Variants in RPS6KA2 observed in about 807,000 individuals in gnomAD.
RPS6KA2 encodes ribosomal protein S6 kinase A2, also known as ribosomal protein S6 kinase alpha-2.
A neutral mutation model predicts 91.8 loss-of-function variants in RPS6KA2; 42 were observed. The observed-to-expected ratio is 0.46, with a 90% CI of 0.36 to 0.59. RPS6KA2 has a LOEUF of 0.59. RPS6KA2 is among the 20% of genes least tolerant of loss of function. The pLI, the probability that RPS6KA2 is intolerant of heterozygous loss-of-function variation, is 0.00. For missense variants in RPS6KA2, 798 were observed against 978.5 expected (o/e 0.82, Z 2.46); for synonymous variants, 414 against 393.6 (o/e 1.05, Z -0.61).
chr6:166,822,109 T>G (rs1779920306), intron 2 of RPS6KA2, among the ~76,000 whole-genome samples: 1 of 152,200 alleles, frequency 6.6e-6, no homozygotes, highest in Non-Finnish European at 1.5e-5. Flanking sequence ...GCCCTGTCAG[T>G]CTTGTCCTTG....
At chr6:166,802,712 C>T (rs557199741) in intron 2 of RPS6KA2, among the ~76,000 whole-genome samples, 7 of 152,242 alleles carry the variant, frequency 4.6e-5, no homozygotes, top group Admixed American at 2.0e-4. Flanking sequence ...CTCAGGTGGC[C>T]ATGACTCAGC....
chr6:166,454,298 G>A (rs1303854131), intron 12 of RPS6KA2, among the ~76,000 whole-genome samples: 1 of 152,280 alleles, frequency 6.6e-6, no homozygotes, highest in Non-Finnish European at 1.5e-5. Context: ...AGGAGTTCAC[G>A]ACCAGCCTAA....
chr6:166,501,442 A>G (rs936762983), intron 6 of RPS6KA2, among the ~76,000 whole-genome samples: 2 of 152,204 alleles, frequency 1.3e-5, no homozygotes, highest in Non-Finnish European at 2.9e-5. Flanking sequence ...GGGCCAAGGC[A>G]TCGAGGAGCT....
chr6:166,532,198 A>G (rs1010826866), intron 2 of RPS6KA2, among the ~76,000 whole-genome samples: 3 of 152,216 alleles, frequency 2.0e-5, no homozygotes, highest in Non-Finnish European at 4.4e-5. Context: ...ACCAGCCACT[A>G]TAGATGTTCT....
intron 6 of RPS6KA2, among the ~76,000 whole-genome samples, 158 bp downstream of exon 6, chr6:166,504,348 C>G (rs1347436202): frequency 1.3e-5 from 2 of 152,236 alleles, no homozygotes; most frequent in African/African-American, 4.8e-5. Flanking sequence ...GCACCTGATG[C>G]CTGAGCCGGT....
At chr6:166,627,286 CCCACCACCACTA>C, upstream of RPS6KA2, 1 of 942,018 alleles carries the variant, frequency 1.1e-6, no homozygotes, top group Non-Finnish European at 1.3e-6. Flanking sequence ...CTACACCACG[CCCACCACCACTA>C]CCACCAATCA....
At position 166,494,626 on chromosome 6, in the gene RPS6KA2, G is replaced by A. The variant is rs146355894; in HGVS notation, c.747+3882C>T. ...ATTCTACAAATGTCACCACGCAGCC[G>A]GCCACCAGGTTTGCACGTTCTTCTC... On this transcript the variant is annotated intron_variant, in intron 8 of 20. Coordinates refer to ENST00000265678, the MANE Select transcript of RPS6KA2 (RefSeq NM_021135.6). The surrounding 1 kb of genome is among the most constrained non-coding windows in gnomAD (Gnocchi z 5.1). Among the ~76,000 whole-genome samples, 923 of 152,286 alleles carry A rather than the reference G, an allele frequency of 6.1e-3. 5 individuals are homozygous for A. The highest frequency in any genetic ancestry group is 0.024 in the Middle Eastern group (7 of 294).
intron 2 of RPS6KA2, among the ~76,000 whole-genome samples, chr6:166,826,577 A>G (rs567764901): frequency 2.0e-5 from 3 of 152,308 alleles, no homozygotes; most frequent in Admixed American, 2.0e-4. Context: ...ACTGTTACAA[A>G]AGATTGCCAG....
At chr6:166,630,080 C>T (rs1293892800), upstream of RPS6KA2, among the ~76,000 whole-genome samples, 2 of 152,152 alleles carry the variant, frequency 1.3e-5, no homozygotes, top group African/African-American at 4.8e-5. Context: ...CTCTGAACCC[C>T]TGAGGGTAAG....
chr6:166,862,323 G>A, exon 1 of RPS6KA2: 1 of 1,497,616 alleles, frequency 6.7e-7, no homozygotes, highest in Non-Finnish European at 8.9e-7. Flanking sequence ...GACAGATCCG[G>A]CTCCCAGAGG....
intron 2 of RPS6KA2, among the ~76,000 whole-genome samples, chr6:166,855,676 AT>A (rs1209142416): frequency 6.6e-6 from 1 of 152,234 alleles, no homozygotes; most frequent in Non-Finnish European, 1.5e-5. Flanking sequence ...GAGTATTCAA[AT>A]GACATTCATC....
rs60044027 is a variant in RPS6KA2 at position 166,433,540 on chromosome 6, C to T, written c.1333-1050G>A. 8.4e-3 allele frequency among the ~76,000 whole-genome samples: 1,282 copies of T among 152,312 alleles called. 15 individuals carry two copies. Among genetic ancestry groups the T allele is most frequent in the African/African-American group, 0.027 (1,129 of 41,564 alleles). The stretch of plus-strand genomic sequence containing the variant: ...CTCATGGGAAATTGGCAACATGCAA[C>T]ATGTATTTTGCAAACAACACTCAGA... On this transcript the variant is annotated intron_variant, in intron 14 of 20. Coordinates refer to ENST00000265678, the MANE Select transcript of RPS6KA2 (RefSeq NM_021135.6). The surrounding 1 kb of genome is among the most constrained non-coding windows in gnomAD (Gnocchi z 4.4).
chr6:166,504,488 T>A lies in RPS6KA2; in HGVS notation c.566+18A>T. ...CTGATGGGCGTGGGGAAGTCAGCCC[T>A]AGTTTTTTCTCACTTACTTCTCAGG... On this transcript the variant is annotated intron_variant, in intron 6 of 20. Transcript: ENST00000265678. 6.6e-7 allele frequency: 1 copy of A among 1,506,786 alleles called. No homozygotes were observed. Among genetic ancestry groups the A allele is most frequent in the Non-Finnish European group, 9.2e-7 (1 of 1,090,740 alleles). The allele number at this position is 1,506,786 out of a possible 1,614,324, so 93.3% of individuals were successfully genotyped here. A position where few individuals can be genotyped will look rare whatever the true frequency, so the allele number is the denominator to read the frequency against.
At chr6:166,848,058 T>C (rs1396533911) in intron 2 of RPS6KA2, among the ~76,000 whole-genome samples, 2 of 151,656 alleles carry the variant, frequency 1.3e-5, no homozygotes, top group Admixed American at 6.6e-5. Context: ...CTCAAACAAA[T>C]CAGAAATAAA....
At chr6:166,460,294 C>G (rs1252205187) in intron 11 of RPS6KA2, among the ~76,000 whole-genome samples, 2 of 152,258 alleles carry the variant, frequency 1.3e-5, no homozygotes. Flanking sequence ...GAGCTGCCTG[C>G]CTGACAATGC....
At chr6:166,819,053 G>A (rs1054857202) in intron 2 of RPS6KA2, among the ~76,000 whole-genome samples, 1 of 152,002 alleles carries the variant, frequency 6.6e-6, no homozygotes, top group Non-Finnish European at 1.5e-5. Flanking sequence ...GGACAGAGCT[G>A]GGAATTTCTG....
At chr6:166,587,483 AAT>A (rs1414171224) in intron 1 of RPS6KA2, among the ~76,000 whole-genome samples, 1 of 152,168 alleles carries the variant, frequency 6.6e-6, no homozygotes, top group Non-Finnish European at 1.5e-5. Flanking sequence ...GGTTGTGAGA[AAT>A]AAATGAACCC....
chr6:166,520,657 A>C (rs564082606), intron 3 of RPS6KA2, among the ~76,000 whole-genome samples: 7 of 152,232 alleles, frequency 4.6e-5, no homozygotes, highest in Non-Finnish European at 7.3e-5. Context: ...TAGAGGTTGG[A>C]AGAGTTCTGA....
At chr6:166,668,161 A>C (rs1006553613) in intron 2 of RPS6KA2, among the ~76,000 whole-genome samples, 1 of 152,216 alleles carries the variant, frequency 6.6e-6, no homozygotes, top group Non-Finnish European at 1.5e-5. Context: ...CGAGCAGTGC[A>C]AGCGAGGTTT....
Sources: allele counts gnomAD v4.1 joint callset (sites outside exome capture counted in the v4.1 genomes callset), GRCh38; gene constraint gnomAD v4.1.1; non-coding constraint Gnocchi (gnomAD v3.1); transcripts MANE v1.5; gene names NCBI Gene and HGNC (gene_info 2026-07-23, HGNC 2026-07-21).